Variants in TTLL5 observed in about 807,000 individuals in gnomAD.
TTLL5 encodes the protein tubulin tyrosine ligase like 5.
TTLL5 carries 132 observed loss-of-function variants against 168.4 expected under a neutral mutation model. The observed-to-expected ratio is 0.78, with a 90% CI of 0.68 to 0.91. The LOEUF is 0.91. Among genes scored for constraint, TTLL5 ranks in the 40% least tolerant of loss-of-function variants. The probability of loss-of-function intolerance (pLI) is 0.00; values close to 1 mark genes in which losing one functional copy is unlikely to be tolerated. For synonymous variants in TTLL5, 546 were observed against 558.6 expected (o/e 0.98, Z 0.32); for missense variants, 1,545 against 1,581.5 (o/e 0.98, Z 0.39).
chr14:75,728,800 A>G (rs1345163999), intron 12 of TTLL5, among the ~76,000 whole-genome samples: 4 of 152,110 alleles, frequency 2.6e-5, no homozygotes, highest in Non-Finnish European at 4.4e-5. Context: ...CTACCATTGA[A>G]TATCTGGGTA....
Position 75,954,744 on chromosome 14 carries a change from C to T in TTLL5, c.*298C>T. ...TGTATCTTTTACCTTCCCTTTGCCC[C>T]ATGCCCCCAAACTGCTTAGGTCTTC... On this transcript the variant is annotated 3_prime_UTR_variant, in exon 32 of 32. Transcript: ENST00000298832. 2.2e-6 allele frequency: 1 copy of T among 445,166 alleles called. No individual in the cohort carries two copies. The highest frequency in any genetic ancestry group is 4.1e-6 in the Non-Finnish European group (1 of 246,760). 27.6% of individuals were successfully genotyped at this position (445,166 alleles called of 1,614,324 possible).
intron 27 of TTLL5, among the ~76,000 whole-genome samples, chr14:75,819,028 G>C (rs1328989374): frequency 6.6e-6 from 1 of 152,030 alleles, no homozygotes; most frequent in African/African-American, 2.4e-5. Context: ...TCAATCATAG[G>C]CCTCGGTTTC....
chr14:75,765,061 A>G (rs938518989), intron 19 of TTLL5, among the ~76,000 whole-genome samples: 4 of 152,226 alleles, frequency 2.6e-5, no homozygotes, highest in Admixed American at 1.3e-4. Context: ...GCCTGAGTTT[A>G]ATGGAATCCT....
intron 31 of TTLL5, among the ~76,000 whole-genome samples, chr14:75,917,961 A>G (rs2033679027): frequency 6.6e-6 from 1 of 152,218 alleles, no homozygotes; most frequent in Non-Finnish European, 1.5e-5. Context: ...CAGGAGGTCC[A>G]GGGCTAGTGC....
chr14:75,782,873 T>C (rs1042198902), intron 25 of TTLL5, among the ~76,000 whole-genome samples: 2 of 149,344 alleles, frequency 1.3e-5, no homozygotes, highest in South Asian at 2.1e-4. Context: ...TGTCCTAACA[T>C]GTGTAAGACA....
intron 30 of TTLL5, among the ~76,000 whole-genome samples, chr14:75,895,256 T>C (rs1037828369): frequency 8.4e-4 from 128 of 152,318 alleles, no homozygotes; most frequent in African/African-American, 3.1e-3. Flanking sequence ...CACTAAATAC[T>C]GTCTTCTATT....
At chr14:75,835,991 A>G (rs909729905) in intron 28 of TTLL5, among the ~76,000 whole-genome samples, 6 of 152,206 alleles carry the variant, frequency 3.9e-5, no homozygotes, top group African/African-American at 1.4e-4. Context: ...GAGATTCCTC[A>G]AAAAACTAAA....
chr14:75,790,199 T>G (rs976677917), intron 26 of TTLL5, among the ~76,000 whole-genome samples: 1 of 152,034 alleles, frequency 6.6e-6, no homozygotes, highest in Admixed American at 6.5e-5. Flanking sequence ...TCAATTTCAG[T>G]TGTAAAACTT....
intron 30 of TTLL5, among the ~76,000 whole-genome samples, chr14:75,892,500 C>T (rs201386266): frequency 2.1e-4 from 32 of 152,150 alleles, no homozygotes; most frequent in Non-Finnish European, 4.4e-4. Context: ...AGTTTCCCCC[C>T]CAGGAGACAT....
intron 31 of TTLL5, among the ~76,000 whole-genome samples, chr14:75,943,818 G>A (rs1412143862): frequency 6.6e-6 from 1 of 152,160 alleles, no homozygotes. Context: ...AAAAGAGAGA[G>A]TAAACCAAGA....
intron 28 of TTLL5, among the ~76,000 whole-genome samples, chr14:75,836,899 A>G (rs1341316427): frequency 1.3e-5 from 2 of 152,214 alleles, no homozygotes; most frequent in Non-Finnish European, 2.9e-5. Context: ...GCAGGCCACT[A>G]TGACATGATA....
Position 75,954,431 on chromosome 14 carries a change from T to TCA in TTLL5, c.3835_3836dup (p.Lys1280LeufsTer20), listed in dbSNP as rs2035054617. 6.2e-7 allele frequency: 1 copy of TCA among 1,614,010 alleles called. No individual in the cohort carries two copies. The highest frequency in any genetic ancestry group is 1.3e-5 in the African/African-American group (1 of 74,986). ...TGCCTTTCTCTTTTTCAGATCCTGC[T>TCA]CACACTAAAATATGAACCACAAACA... On this transcript the variant is annotated frameshift_variant, in exon 32 of 32. Coordinates refer to ENST00000298832, the MANE Select transcript of TTLL5 (RefSeq NM_015072.5). LOFTEE classifies it high-confidence loss of function.
intron 18 of TTLL5, among the ~76,000 whole-genome samples, chr14:75,755,581 A>C (rs1701250182): frequency 6.6e-6 from 1 of 152,012 alleles, no homozygotes; most frequent in Non-Finnish European, 1.5e-5. Context: ...TTGCCTGTTT[A>C]CTAATTTGTG....
rs1887321084 is a variant in TTLL5, at chr14:75,714,839, C to T, written c.741-3022C>T. Among the ~76,000 whole-genome samples the T allele has an allele frequency of 3.3e-5, 5 of 152,150 alleles. No homozygotes were observed. In the South Asian group the frequency reaches 1.0e-3, roughly 32 times the overall value. ...AATCAATATCTGGGTGCTAGATACG[C>T]TCATTGTTTTGGGGCATTTCTGCTT... On this transcript the variant is annotated intron_variant, in intron 9 of 31. Coordinates refer to ENST00000298832, the MANE Select transcript of TTLL5 (RefSeq NM_015072.5).
intron 29 of TTLL5, among the ~76,000 whole-genome samples, chr14:75,878,344 T>C (rs1340345836): frequency 1.3e-5 from 2 of 152,218 alleles, no homozygotes; most frequent in Non-Finnish European, 2.9e-5. Flanking sequence ...CAGAAACCCA[T>C]GCTCCTTCTG....
chr14:75,820,290 G>C, intron 28 of TTLL5, 129 bp downstream of exon 28: 1 of 968,082 alleles, frequency 1.0e-6, no homozygotes, highest in Non-Finnish European at 1.4e-6. Flanking sequence ...CACCTGCCTC[G>C]ATCCTCTGGC....
chr14:75,706,747 CTTA>C (rs1157064921), intron 7 of TTLL5, among the ~76,000 whole-genome samples: 1 of 150,974 alleles, frequency 6.6e-6, no homozygotes, highest in Non-Finnish European at 1.5e-5. Context: ...GGCTATTAGG[CTTA>C]TTTATTTATT....
chr14:75,892,084 A>T (rs1357120877), intron 30 of TTLL5, among the ~76,000 whole-genome samples: 2 of 152,122 alleles, frequency 1.3e-5, no homozygotes, highest in African/African-American at 4.8e-5. Flanking sequence ...ACATATTCTG[A>T]TTTCCTCAAC....
At chr14:75,879,614 C>T (rs1194920055) in intron 29 of TTLL5, among the ~76,000 whole-genome samples, 1 of 152,172 alleles carries the variant, frequency 6.6e-6, no homozygotes, top group Non-Finnish European at 1.5e-5. Flanking sequence ...TCCTCATCTT[C>T]TAAAGGTGAA....
Sources: gnomAD v4.1 joint callset for allele counts (sites outside exome capture counted in the v4.1 genomes callset) on GRCh38, gnomAD v4.1.1 for gene constraint, MANE v1.5 for transcripts, NCBI Gene and HGNC (gene_info 2026-07-23, HGNC 2026-07-21) for gene names.